Variants in SOAT2 observed in about 807,000 individuals in gnomAD.
SOAT2 encodes the protein sterol O-acyltransferase 2, also known as ACAT-2.
SOAT2 carries 87 observed loss-of-function variants against 76.0 expected under a neutral mutation model. The observed-to-expected ratio is 1.14, with a 90% CI of 0.96 to 1.37. The LOEUF (loss-of-function observed/expected upper bound fraction) is 1.37. SOAT2 is among the 40% of genes most tolerant of loss of function. SOAT2 has a pLI of 0.00. For missense variants in SOAT2, 686 were observed against 682.1 expected, an observed-to-expected ratio of 1.01 and a Z score of -0.06; for synonymous variants, 285 against 275.4, an observed-to-expected ratio of 1.03 and a Z score of -0.34.
intron 5 of SOAT2, among the ~76,000 whole-genome samples, chr12:53,114,186 G>A (rs1938065626): frequency 6.6e-6 from 1 of 151,832 alleles, no homozygotes; most frequent in Non-Finnish European, 1.5e-5. Context: ...GGGAAGCAAT[G>A]AAAAAAACAG....
In SOAT2 at chr12:53,105,216, C is replaced by T. The variant is rs1385373858; in HGVS notation, c.248C>T (p.Pro83Leu). Residue 83 changes from proline to leucine, a missense_variant, in exon 3 of 15, where the codon CCC (proline) becomes CTC (leucine). By Grantham distance (98) the Pro-to-Leu change is moderately conservative. Transcript: ENST00000301466. The stretch of plus-strand genomic sequence containing the variant: ...TACCCATCACAAGACAAACCTCTGC[C>T]CCCACCTCCCCCAGGTTCCTTGAGC... ...QSYPSQDKPL[P>L]PPPPGSLSRT... 6.2e-7 allele frequency: 1 copy of T among 1,602,948 alleles called. No homozygotes were observed.
intron 12 of SOAT2, among the ~76,000 whole-genome samples, chr12:53,121,909 G>A (rs147442803): frequency 4.1e-4 from 59 of 143,586 alleles, no homozygotes; most frequent in African/African-American, 1.5e-3. Flanking sequence ...CTGGGTTCAA[G>A]CGATTCTTCT....
Position 53,115,569 on chromosome 12 carries a change from C to T in SOAT2, c.623C>T (p.Ala208Val). ...GLGCALLAAH[A>V]VVLCALPVHV... Reference sequence around the variant, plus strand: ...GGCTGTGCGCTGCTAGCCGCCCACGCCGTGGTGCTCTGCGCGCTGCCGGTC... The same window carrying T: ...GGCTGTGCGCTGCTAGCCGCCCACGTCGTGGTGCTCTGCGCGCTGCCGGTC... The change falls in exon 6 of 15, where the codon GCC becomes GTC. Residue 208 changes from alanine (A) to valine (V), a missense_variant. Coordinates refer to ENST00000301466, the MANE Select transcript of SOAT2 (RefSeq NM_003578.4). 6.3e-7 allele frequency: 1 copy of T among 1,589,052 alleles called. No individual in the cohort carries two copies. The highest frequency in any genetic ancestry group is 8.5e-7 in the Non-Finnish European group (1 of 1,173,946).
chr12:53,118,705 TAA>T (rs1194887355), intron 8 of SOAT2, among the ~76,000 whole-genome samples, 183 bp from the exon 9 acceptor site: 1 of 152,018 alleles, frequency 6.6e-6, no homozygotes, highest in East Asian at 1.9e-4. Flanking sequence ...CATCCATGCT[TAA>T]AACCCACTTG....
intron 10 of SOAT2, among the ~76,000 whole-genome samples, chr12:53,119,730 C>A (rs1297026502): frequency 6.6e-6 from 1 of 152,160 alleles, no homozygotes; most frequent in Non-Finnish European, 1.5e-5. Context: ...AATTTTCAGC[C>A]ATGGAATCTA....
chr12:53,119,230 C>T lies in SOAT2; in HGVS notation c.1016C>T (p.Ser339Phe). Residue 339 changes from serine to phenylalanine, a missense_variant, in exon 10 of 15, where the codon TCT becomes TTT. Physicochemically the swap from Ser to Phe is radical, Grantham distance 155. Transcript: ENST00000301466. ...EPFSTRALVLSILHATLPGIF... is the reference protein window; with the variant it reads ...EPFSTRALVLFILHATLPGIF... Reference sequence around the variant, plus strand: ...TTCAGCACCCGTGCCCTGGTGCTCTCTATCCTGCATGCCACGTTGCCAGGT... The same window carrying T: ...TTCAGCACCCGTGCCCTGGTGCTCTTTATCCTGCATGCCACGTTGCCAGGT... 1 of 1,613,966 alleles carries T rather than the reference C, an allele frequency of 6.2e-7. No individual in the cohort carries two copies. The highest frequency in any genetic ancestry group is 1.7e-4 in the Middle Eastern group (1 of 6,016).
At chr12:53,123,003 G>GC (rs1938217601) in intron 12 of SOAT2, 78 bp from the exon 13 acceptor site, 4 of 1,432,372 alleles carry the variant, frequency 2.8e-6, no homozygotes, top group Non-Finnish European at 3.7e-6. Context: ...GGCTGGCCGG[G>GC]CGGGGGGCTG....
In SOAT2 at chr12:53,104,195, C is replaced by T. The variant is rs370902854; in HGVS notation, c.127C>T (p.Arg43Ter). The T allele has an allele frequency of 8.7e-6, 14 of 1,612,824 alleles. No individual in the cohort carries two copies. Among genetic ancestry groups the T allele is most frequent in the South Asian group, 4.4e-5 (4 of 91,022 alleles). Reference sequence around the variant, plus strand: ...AGCCCCGGACTTGGTACAATGGACCCGACACATGGAGGTGAGGGATGTCAG... The same window carrying T: ...AGCCCCGGACTTGGTACAATGGACCTGACACATGGAGGTGAGGGATGTCAG... ...HRAPDLVQWTRHMEAVKAQLL... is the reference protein window; with the variant it reads ...HRAPDLVQWT Residue 43 changes from arginine (R) to a stop codon, truncating the protein, a stop_gained, in exon 2 of 15, where the codon CGA (arginine) becomes TGA (stop). Transcript: ENST00000301466. LOFTEE classifies it high-confidence loss of function.
chr12:53,108,486 A>G (rs1479823807), intron 5 of SOAT2, among the ~76,000 whole-genome samples: 1 of 152,232 alleles, frequency 6.6e-6, no homozygotes, highest in Non-Finnish European at 1.5e-5. Flanking sequence ...TGGAGAAATC[A>G]GGTAGAGAGA....
Position 53,124,172 on chromosome 12 carries a change from C to T in SOAT2, c.*49C>T, listed in dbSNP as rs1364925145. 1.2e-6 allele frequency: 2 copies of T among 1,602,234 alleles called. No homozygotes were observed. Among genetic ancestry groups the T allele is most frequent in the Non-Finnish European group, 1.7e-6 (2 of 1,169,360 alleles). On this transcript the variant is annotated 3_prime_UTR_variant, in exon 15 of 15. Transcript: ENST00000301466. Reference sequence around the variant, plus strand: ...TGCCCAGACACCACCAAGTTCTCTGCCTGCAAAACCTGGGACCAGGACTCC... The same window carrying T: ...TGCCCAGACACCACCAAGTTCTCTGTCTGCAAAACCTGGGACCAGGACTCC...
chr12:53,120,873 T>C lies in SOAT2; in HGVS notation c.1127T>C (p.Met376Thr). 6.2e-7 allele frequency: 1 copy of C among 1,613,868 alleles called. No individual in the cohort carries two copies. Among genetic ancestry groups the C allele is most frequent in the South Asian group, 1.1e-5 (1 of 91,070 alleles). Reference protein sequence around the residue: ...FAEMLRFGDRMFYRDWWNSTS... With the variant: ...FAEMLRFGDRTFYRDWWNSTS... ...GAGATGCTACGATTTGGAGACAGGA[T>C]GTTCTACCGGGTGGGGCCTGGACCT... The change falls in exon 11 of 15, where the codon ATG (methionine) becomes ACG (threonine). Residue 376 changes from methionine to threonine, a missense_variant. By Grantham distance (81) the Met-to-Thr change is moderately conservative (BLOSUM62 -1). Transcript: ENST00000301466.
In SOAT2 at chr12:53,105,165, G is replaced by A. The variant is rs375988420; in HGVS notation, c.197G>A (p.Arg66Gln). Residue 66 changes from arginine to glutamine, a missense_variant, in exon 3 of 15, where the codon CGG (arginine) becomes CAG (glutamine). By Grantham distance (43) the Arg-to-Gln change is conservative (BLOSUM62 1). Coordinates refer to ENST00000301466, the MANE Select transcript of SOAT2 (RefSeq NM_003578.4). ...GGACAACTGAGGGAGCTGCTGGATC[G>A]GGCCATGCGGGAGGCTATACAATCC... The part of the protein sequence containing the change: ...AQGQLRELLD[R>Q]AMREAIQSYP... The A allele has an allele frequency of 4.1e-5, 65 of 1,584,358 alleles. No individual in the cohort carries two copies. The Middle Eastern group carries it at 5.0e-4, about 12-fold the overall frequency.
At chr12:53,109,754 G>A (rs1189191252) in intron 5 of SOAT2, among the ~76,000 whole-genome samples, 1 of 152,132 alleles carries the variant, frequency 6.6e-6, no homozygotes, top group South Asian at 2.1e-4. Flanking sequence ...TTCCCAAAGT[G>A]CTGGGATCAT....
chr12:53,115,777 C>T, intron 6 of SOAT2, 123 bp downstream of exon 6: 1 of 1,226,442 alleles, frequency 8.2e-7, no homozygotes, highest in Non-Finnish European at 1.1e-6. Context: ...AAGGCATTGG[C>T]AGGGGCGGAG....
At chr12:53,118,772 C>A in intron 8 of SOAT2, 118 bp from the exon 9 acceptor site, 1 of 1,098,468 alleles carries the variant, frequency 9.1e-7, no homozygotes, top group Non-Finnish European at 1.4e-6. Flanking sequence ...CCTAGATAAT[C>A]CTCCCAGGCC....
In SOAT2 at chr12:53,115,544, G is replaced by C; in HGVS notation, c.598G>C (p.Gly200Arg). ...CACCTGGACGCAGGCGACGGGCCTG[G>C]GCTGTGCGCTGCTAGCCGCCCACGC... is the stretch of plus-strand genomic sequence containing the variant. ...RGTWTQATGL[G>R]CALLAAHAVV... The change falls in exon 6 of 15, where the codon GGC (glycine) becomes CGC (arginine). Residue 200 changes from glycine (G) to arginine (R), a missense_variant. Transcript: ENST00000301466. The C allele has an allele frequency of 6.3e-7, 1 of 1,598,600 alleles. No individual in the cohort carries two copies. Among genetic ancestry groups the C allele is most frequent in the Non-Finnish European group, 8.5e-7 (1 of 1,177,140 alleles).
intron 5 of SOAT2, among the ~76,000 whole-genome samples, chr12:53,111,377 G>C (rs1308578127): frequency 2.6e-5 from 4 of 152,166 alleles, no homozygotes; most frequent in Non-Finnish European, 4.4e-5. Context: ...AAAGTGCTGG[G>C]ATTACAGGTG....
Position 53,110,082 on chromosome 12 carries a change from C to G in SOAT2, c.443+4068C>G, listed in dbSNP as rs576515989. On this transcript the variant is annotated intron_variant, in intron 5 of 14. Transcript: ENST00000301466. ...TTTATCTTACCCAACTTAAAACAAT[C>G]CTTTTACCTTTTAATCTAGGGAAAA... 1.4e-4 allele frequency among the ~76,000 whole-genome samples: 22 copies of G among 152,334 alleles called. No homozygotes were observed. In the South Asian group the frequency reaches 4.4e-3, roughly 30 times the overall value.
intron 7 of SOAT2, 101 bp downstream of exon 7, chr12:53,116,267 C>A: frequency 9.4e-7 from 1 of 1,067,380 alleles, no homozygotes; most frequent in Non-Finnish European, 1.4e-6. Flanking sequence ...CCTTCCTAAG[C>A]CCGGGTTGCC....
Sources: allele counts gnomAD v4.1 joint callset (sites outside exome capture counted in the v4.1 genomes callset), GRCh38; gene constraint gnomAD v4.1.1; transcripts MANE v1.5; gene names NCBI Gene and HGNC (gene_info 2026-07-23, HGNC 2026-07-21).